Variants in SELENOW observed in about 807,000 individuals in gnomAD.
The protein encoded by SELENOW is selenoprotein W, also known as selenoprotein W, 1.
SELENOW carries 20 observed loss-of-function variants against 16.6 expected under a neutral mutation model. That is an observed-to-expected ratio of 1.21 (90% CI 0.85 to 1.76). The LOEUF (loss-of-function observed/expected upper bound fraction) is 1.76, where lower values mean the gene tolerates loss of function less well. Ranked by LOEUF, SELENOW falls within the 40% of genes most tolerant of loss-of-function variation. SELENOW has a pLI of 0.00. For missense variants in SELENOW, 124 were observed against 111.0 expected (o/e 1.12, Z -0.53); for synonymous variants, 44 against 46.2 (o/e 0.95, Z 0.19).
intron 1 of SELENOW, chr19:47,780,271 G>A (rs889045091): frequency 2.7e-6 from 1 of 368,322 alleles, no homozygotes; most frequent in South Asian, 1.9e-5. Context: ...GAATCCAGGA[G>A]CCGCAGGGTT....
chr19:47,778,999 C>T, intron 1 of SELENOW, 185 bp downstream of exon 1: 2 of 566,878 alleles, frequency 3.5e-6, no homozygotes, highest in Non-Finnish European at 6.2e-6. Context: ...CCCTAGGCCC[C>T]GTCTTCGACT....
intron 3 of SELENOW, 74 bp downstream of exon 3, chr19:47,780,991 G>T (rs770563417): frequency 6.4e-7 from 1 of 1,566,078 alleles, no homozygotes; most frequent in South Asian, 1.1e-5. Context: ...TGGCACTGCA[G>T]GGGGGTTAGG....
At position 47,781,120 on chromosome 19, in the gene SELENOW, A is replaced by G. The variant is rs746540662; in HGVS notation, c.121A>G (p.Thr41Ala). Residue 41 changes from threonine (T) to alanine (A), a missense_variant, in exon 4 of 6, where the codon ACT (threonine) becomes GCT (alanine). Physicochemically the swap from Thr to Ala is moderately conservative, Grantham distance 58. Transcript: ENST00000601048. Reference protein sequence around the residue: ...PGRLDICGEGTPQATGFFEVM... With the variant: ...PGRLDICGEGAPQATGFFEVM... ...CCCCTTTCCTCAGTGCGGCGAGGGA[A>G]CTCCCCAGGCCACCGGGTTCTTTGA... 1 of 1,612,340 alleles carries G rather than the reference A, an allele frequency of 6.2e-7. No individual in the cohort carries two copies. Among genetic ancestry groups the G allele is most frequent in the Non-Finnish European group, 8.5e-7 (1 of 1,179,452 alleles).
Position 47,781,284 on chromosome 19 carries a change from C to T in SELENOW, c.184-6C>T. On this transcript the variant is annotated splice_region_variant and splice_polypyrimidine_tract_variant and intron_variant, in intron 4 of 5. Coordinates refer to ENST00000601048, the MANE Select transcript of SELENOW (RefSeq NM_003009.4). ...CTCACCCCTTCCCTCTTCCTCCCCT[C>T]CCTAGAAAGGCGATGGCTACGTGGA... 1 of 1,612,914 alleles carries T rather than the reference C, an allele frequency of 6.2e-7. No homozygotes were observed. The highest frequency in any genetic ancestry group is 8.5e-7 in the Non-Finnish European group (1 of 1,178,954).
chr19:47,781,497 G>T (rs1004572595), intron 5 of SELENOW, 109 bp downstream of exon 5: 1 of 677,374 alleles, frequency 1.5e-6, no homozygotes, highest in East Asian at 2.7e-5. Flanking sequence ...GGGACATCAC[G>T]TGTGTCCCCA....
chr19:47,779,018 G>A, intron 1 of SELENOW: 1 of 559,754 alleles, frequency 1.8e-6, no homozygotes, highest in Non-Finnish European at 3.2e-6. Flanking sequence ...CTTGTGACAC[G>A]CTGGGCATCT....
At chr19:47,783,702 A>G (rs969182068) in intron 5 of SELENOW, 2 of 152,346 alleles carry the variant, frequency 1.3e-5, no homozygotes, top group East Asian at 1.9e-4. Flanking sequence ...GTCATGTTCA[A>G]TGTGAATTGG....
chr19:47,783,868 G>GT (rs1279144940), intron 5 of SELENOW: 2 of 152,018 alleles, frequency 1.3e-5, no homozygotes, highest in African/African-American at 4.8e-5. Context: ...GCTGTTGAGC[G>GT]TGGGGTGGGG....
Position 47,778,783 on chromosome 19 carries a change from G to T in SELENOW, c.-3G>T. The T allele has an allele frequency of 6.2e-7, 1 of 1,605,180 alleles. No homozygotes were observed. The highest frequency in any genetic ancestry group is 8.5e-7 in the Non-Finnish European group (1 of 1,176,626). ...TCCTCAGCGGATGTGGCAGCCCCGA[G>T]CCATGGCTCTCGCCGTCCGAGTCGT... is the stretch of plus-strand genomic sequence containing the variant. On this transcript the variant is annotated 5_prime_UTR_variant, in exon 1 of 6. Transcript: ENST00000601048.
chr19:47,779,065 CAA>C, intron 1 of SELENOW: 1 of 509,404 alleles, frequency 2.0e-6, no homozygotes, highest in East Asian at 3.4e-5. Context: ...GAGTGTGTGT[CAA>C]TTTCGAACCC....
intron 5 of SELENOW, chr19:47,781,590 A>T: frequency 1.7e-6 from 1 of 595,398 alleles, no homozygotes; most frequent in South Asian, 1.9e-5. Flanking sequence ...GACAGCTGAG[A>T]TGGTGATGGG....
At position 47,780,855 on chromosome 19, in the gene SELENOW, C is replaced by T. The variant is rs368979832; in HGVS notation, c.55-9C>T. 3.7e-6 allele frequency: 6 copies of T among 1,612,610 alleles called. No homozygotes were observed. The highest frequency in any genetic ancestry group is 2.2e-5 in the East Asian group (1 of 44,752). ...TGACCCCTGCTGTGACCTCTCACCG[C>T]GTTTTCAGTATCTTCAGCTCAAGAA... On this transcript the variant is annotated splice_polypyrimidine_tract_variant and intron_variant, in intron 2 of 5. Coordinates refer to ENST00000601048, the MANE Select transcript of SELENOW (RefSeq NM_003009.4).
Position 47,780,935 on chromosome 19 carries a change from G to A in SELENOW, c.108+18G>A. On this transcript the variant is annotated intron_variant, in intron 3 of 5. Coordinates refer to ENST00000601048, the MANE Select transcript of SELENOW (RefSeq NM_003009.4). ...TGGACATCGTGAGTCTTGGGATGGG[G>A]AGAAAGACTTGAGCACAGCCACTGT... 6.2e-7 allele frequency: 1 copy of A among 1,612,794 alleles called. No individual in the cohort carries two copies. Among genetic ancestry groups the A allele is most frequent in the Non-Finnish European group, 8.5e-7 (1 of 1,179,166 alleles).
chr19:47,781,373 C>A lies in SELENOW; in HGVS notation c.*3C>A. 6.4e-7 allele frequency: 1 copy of A among 1,571,082 alleles called. No individual in the cohort carries two copies. On this transcript the variant is annotated 3_prime_UTR_variant, in exon 5 of 6. Coordinates refer to ENST00000601048, the MANE Select transcript of SELENOW (RefSeq NM_003009.4). ...AAGCCGCCTTGGCTCAGGGCTAATG[C>A]GCCCTGAAGGCAGAGGTGAGGGGGC...
rs1472495307 is a variant in SELENOW, at chr19:47,780,717, C to T, written c.30-8C>T. The T allele has an allele frequency of 4.5e-6, 7 of 1,557,808 alleles. No homozygotes were observed. Among genetic ancestry groups the T allele is most frequent in the Admixed American group, 3.9e-5 (2 of 51,518 alleles). On this transcript the variant is annotated splice_region_variant and splice_polypyrimidine_tract_variant and intron_variant, in intron 1 of 5. Transcript: ENST00000601048. ...CCTGGGCCCCAATGTCTTGGACTCT[C>T]CTACCAGTGGCGCTTGAGGCTACAA...
chr19:47,784,662 T>G lies in SELENOW; in HGVS notation c.*391T>G, dbSNP rs1967512879. On this transcript the variant is annotated 3_prime_UTR_variant, in exon 6 of 6. Coordinates refer to ENST00000601048, the MANE Select transcript of SELENOW (RefSeq NM_003009.4). ...ACGTTTGCAACCGTTCACGATTCAA[T>G]AAATATTGGATGAATTTAACTGAAT... is the stretch of plus-strand genomic sequence containing the variant. The G allele has an allele frequency of 6.6e-6, 1 of 152,240 alleles. No individual in the cohort carries two copies. The highest frequency in any genetic ancestry group is 1.5e-5 in the Non-Finnish European group (1 of 68,062). The allele number at this position is 152,240 out of a possible 1,614,324, so 9.4% of individuals were successfully genotyped here. A position where few individuals can be genotyped will look rare whatever the true frequency, so the allele number is the denominator to read the frequency against.
In SELENOW at chr19:47,779,056, AGT is replaced by A. The variant is rs1967441573; in HGVS notation, c.29+249_29+250del. ...GGTTATAAAAGGTGGGGCTGAGACG[AGT>A]GTGTGTCAATTTCGAACCCCCGACT... On this transcript the variant is annotated intron_variant, in intron 1 of 5. Transcript: ENST00000601048. 4 of 539,686 alleles carry A rather than the reference AGT, an allele frequency of 7.4e-6. No individual in the cohort carries two copies. The East Asian group carries it at 9.8e-5, about 13-fold the overall frequency. The allele number at this position is 539,686 out of a possible 1,614,324, so 33.4% of individuals were successfully genotyped here.
At chr19:47,781,506 CAGAGCGAGCGGGATAAAGTT>C (rs1967476649) in intron 5 of SELENOW, 118 bp downstream of exon 5, 2 of 655,776 alleles carry the variant, frequency 3.0e-6, no homozygotes, top group African/African-American at 3.6e-5. Flanking sequence ...CGTGTGTCCC[CAGAGCGAGCGGGATAAAGTT>C]AGACCCGGTT....
At chr19:47,780,975 C>T in intron 3 of SELENOW, 58 bp downstream of exon 3, 1 of 1,590,360 alleles carries the variant, frequency 6.3e-7, no homozygotes, top group Non-Finnish European at 8.6e-7. Context: ...GTCCGTTAGG[C>T]CTGGATGGCA....
Sources: allele counts gnomAD v4.1 joint callset, GRCh38; gene constraint gnomAD v4.1.1; transcripts MANE v1.5; gene names NCBI Gene and HGNC (gene_info 2026-07-23, HGNC 2026-07-21).